LINGO1: variants seen among roughly 807,000 people sequenced by gnomAD.
The protein encoded by LINGO1 is leucine-rich repeat and immunoglobulin-like domain-containing nogo receptor-interacting protein 1.
LINGO1 carries 11 observed loss-of-function variants against 37.3 expected under a neutral mutation model. The ratio of observed to expected loss-of-function variants is 0.29; its 90% CI spans 0.19 to 0.49. LINGO1 has a LOEUF of 0.49. Among genes scored for constraint, LINGO1 ranks in the 20% least tolerant of loss-of-function variants. LINGO1 has a pLI of 0.99. For synonymous variants in LINGO1, 387 were observed against 403.0 expected (o/e 0.96, Z 0.48); for missense variants, 585 against 878.2 (o/e 0.67, Z 4.22).
intron 1 of LINGO1, among the ~76,000 whole-genome samples, chr15:77,777,565 T>C (rs927822349): frequency 1.3e-5 from 2 of 152,170 alleles, no homozygotes; most frequent in Non-Finnish European, 2.9e-5. Context: ...ACTGTATTAG[T>C]GTCCTACTGT....
chr15:77,798,255 G>A (rs187297182), intron 1 of LINGO1, among the ~76,000 whole-genome samples: 9 of 152,292 alleles, frequency 5.9e-5, no homozygotes, highest in African/African-American at 2.2e-4. Flanking sequence ...AGTCAGACAG[G>A]GGCACTGTCA....
intron 2 of LINGO1, among the ~76,000 whole-genome samples, chr15:77,733,431 C>A (rs960949519): frequency 6.6e-6 from 1 of 152,160 alleles, no homozygotes; most frequent in Non-Finnish European, 1.5e-5. Context: ...CCAGCTCCCA[C>A]CCCCATGCCA....
At chr15:77,779,961 T>C (rs907941482) in intron 1 of LINGO1, among the ~76,000 whole-genome samples, 3 of 152,074 alleles carry the variant, frequency 2.0e-5, no homozygotes, top group Non-Finnish European at 4.4e-5. Context: ...ATAAGGACCA[T>C]CCAGGGTCTT....
intron 1 of LINGO1, among the ~76,000 whole-genome samples, chr15:77,753,048 ACATAGTGTCATATTTGC>A (rs1447872870): frequency 6.6e-6 from 1 of 152,166 alleles, no homozygotes; most frequent in Non-Finnish European, 1.5e-5. Flanking sequence ...TCAAGCACAT[ACATAGTGTCATATTTGC>A]CATCCCTGGC....
chr15:77,768,769 G>A (rs1445328045), intron 1 of LINGO1, among the ~76,000 whole-genome samples: 1 of 152,128 alleles, frequency 6.6e-6, no homozygotes, highest in Admixed American at 6.5e-5. Context: ...GACGGCAGGA[G>A]AGAAAAATTC....
intron 2 of LINGO1, among the ~76,000 whole-genome samples, chr15:77,717,333 G>T (rs1479045787): frequency 6.6e-6 from 1 of 150,886 alleles, no homozygotes; most frequent in Admixed American, 6.6e-5. Context: ...CAGTGGAGGT[G>T]AGGGGGGGCA....
At chr15:77,716,280 C>CTTCTTT (rs1555533898) in intron 2 of LINGO1, among the ~76,000 whole-genome samples, 1 of 119,264 alleles carries the variant, frequency 8.4e-6, no homozygotes, top group African/African-American at 3.1e-5. Context: ...TCTTCTTCTT[C>CTTCTTT]TTTTTTTTTT....
At chr15:77,805,646 T>G (rs963491827) in intron 1 of LINGO1, among the ~76,000 whole-genome samples, 2 of 152,144 alleles carry the variant, frequency 1.3e-5, no homozygotes, top group African/African-American at 4.8e-5. Flanking sequence ...GCTTCCAAAC[T>G]GGTGGTCTCG....
rs149143900 is a variant in LINGO1 at position 77,625,479 on chromosome 15, A to G, written c.6+6831T>C. ...CAGTGTTAGCATGATTTGAACCCCA[A>G]TGGTTTGGCTCCAGAGTCCATGCTC... On this transcript the variant is annotated intron_variant, in intron 1 of 1. Transcript: ENST00000355300. Among the ~76,000 whole-genome samples the G allele has an allele frequency of 3.4e-4, 51 of 152,230 alleles. No individual in the cohort carries two copies. The East Asian group carries it at 8.1e-3, about 24-fold the overall frequency.
At position 77,652,596 on chromosome 15, in the gene LINGO1, C is replaced by T. The variant is rs778609835; in HGVS notation, c.-13+24493G>A. ...TCCTCCAGGTGACGTCTGTCACTCACGCCCACTCCAGACATACCCTACCTC... is the reference window on the plus strand; with the variant it reads ...TCCTCCAGGTGACGTCTGTCACTCATGCCCACTCCAGACATACCCTACCTC... On this transcript the variant is annotated intron_variant, in intron 3 of 3. Transcript: ENST00000559893. Among the ~76,000 whole-genome samples the T allele has an allele frequency of 3.3e-4, 50 of 151,940 alleles. 2 individuals carry two copies. Among genetic ancestry groups the T allele is most frequent in the Admixed American group, 2.8e-3 (43 of 15,268 alleles).
intron 3 of LINGO1, among the ~76,000 whole-genome samples, chr15:77,669,633 C>T (rs1399645884): frequency 6.6e-6 from 1 of 152,194 alleles, no homozygotes; most frequent in Non-Finnish European, 1.5e-5. Context: ...CTCCCAGGGT[C>T]AGGAGCCTTC....
At chr15:77,684,619 G>T (rs923999419) in intron 2 of LINGO1, among the ~76,000 whole-genome samples, 1 of 152,244 alleles carries the variant, frequency 6.6e-6, no homozygotes, top group Non-Finnish European at 1.5e-5. Context: ...TCCCAAGCCA[G>T]CCAGGACTAA....
chr15:77,744,711 T>A (rs2076296216), intron 1 of LINGO1, among the ~76,000 whole-genome samples: 1 of 151,778 alleles, frequency 6.6e-6, no homozygotes, highest in Non-Finnish European at 1.5e-5. Flanking sequence ...CACAGAGAGG[T>A]CTAGTGCTTT....
chr15:77,817,403 G>A (rs922161823), intron 1 of LINGO1, among the ~76,000 whole-genome samples: 5 of 152,106 alleles, frequency 3.3e-5, no homozygotes, highest in African/African-American at 1.2e-4. Flanking sequence ...AGGCTTTTGG[G>A]GCCCAAACAC....
intron 1 of LINGO1, among the ~76,000 whole-genome samples, chr15:77,692,798 C>G (rs142863216): frequency 3.9e-5 from 6 of 152,204 alleles, no homozygotes; most frequent in African/African-American, 9.6e-5. Context: ...GTGCTCCAGC[C>G]GCCAGCAAGT....
Position 77,745,708 on chromosome 15 carries a change from C to T in LINGO1, c.-256-10655G>A, listed in dbSNP as rs536000209. Among the ~76,000 whole-genome samples the T allele has an allele frequency of 2.6e-5, 4 of 152,316 alleles. No individual in the cohort carries two copies. In the East Asian group the frequency reaches 7.7e-4, roughly 29 times the overall value. Reference sequence around the variant, plus strand: ...CAATTGCTCATCTCTTCCTCACAACCCTGGCAGGCAAGACCAGCCATCTTT... The same window carrying T: ...CAATTGCTCATCTCTTCCTCACAACTCTGGCAGGCAAGACCAGCCATCTTT... On this transcript the variant is annotated intron_variant, in intron 1 of 3. Coordinates refer to the LINGO1 transcript ENST00000561686.
upstream of LINGO1, chr15:77,788,238 G>A (rs144106998): frequency 6.6e-6 from 1 of 152,322 alleles, no homozygotes; most frequent in African/African-American, 2.4e-5. Flanking sequence ...CAATGATTCA[G>A]TGATTGCCCC....
intron 1 of LINGO1, among the ~76,000 whole-genome samples, chr15:77,747,046 G>A (rs1317449924): frequency 6.6e-6 from 1 of 152,176 alleles, no homozygotes; most frequent in African/African-American, 2.4e-5. Flanking sequence ...AGGCACCTAG[G>A]CCCGGCCCAT....
intron 1 of LINGO1, among the ~76,000 whole-genome samples, chr15:77,626,037 C>T (rs1306119645): frequency 6.6e-6 from 1 of 152,180 alleles, no homozygotes; most frequent in Admixed American, 6.5e-5. Context: ...ATTAGTTCAC[C>T]TGCCTGAGGT....
Sources: allele counts gnomAD v4.1 joint callset (sites outside exome capture counted in the v4.1 genomes callset), GRCh38; gene constraint gnomAD v4.1.1; transcripts MANE v1.5; gene names NCBI Gene and HGNC (gene_info 2026-07-23, HGNC 2026-07-21).